CLN6: variants seen among roughly 807,000 people sequenced by gnomAD.
CLN6 encodes CLN6 transmembrane ER protein.
CLN6 carries 22 observed loss-of-function variants against 33.3 expected under a neutral mutation model. That is an observed-to-expected ratio of 0.66 (90% CI 0.47 to 0.94). The LOEUF (loss-of-function observed/expected upper bound fraction) is 0.94, where lower values mean the gene tolerates loss of function less well. Among genes scored for constraint, CLN6 ranks in the 40% least tolerant of loss-of-function variants. CLN6 has a pLI of 0.00. For missense variants in CLN6, 387 were observed against 417.1 expected, an observed-to-expected ratio of 0.93 and a Z score of 0.63; for synonymous variants, 201 against 174.6, an observed-to-expected ratio of 1.15 and a Z score of -1.19.
In CLN6 at chr15:68,209,613, G is replaced by GC. The variant is rs1241585532; in HGVS notation, c.665+23dup. The GC allele has an allele frequency of 1.2e-6, 2 of 1,611,078 alleles. No individual in the cohort carries two copies. Among genetic ancestry groups the GC allele is most frequent in the Non-Finnish European group, 1.7e-6 (2 of 1,179,666 alleles). On this transcript the variant is annotated intron_variant, in intron 6 of 6. Transcript: ENST00000249806. This position sits in a 1 kb window ranked among gnomAD's most constrained non-coding sequence, Gnocchi z 4.9. Reference sequence around the variant, plus strand: ...TGGCTCTCTCAGTGCCCCTGCCTCTGCCCCCATGCTGATGTCCACTCACCA... The same window carrying GC: ...TGGCTCTCTCAGTGCCCCTGCCTCTGCCCCCCATGCTGATGTCCACTCACCA...
rs756812985 is a variant in CLN6 at position 68,209,798 on chromosome 15, C to T, written c.543-39G>A. On this transcript the variant is annotated intron_variant, in intron 5 of 6. Coordinates refer to ENST00000249806, the MANE Select transcript of CLN6 (RefSeq NM_017882.3). This position sits in a 1 kb window ranked among gnomAD's most constrained non-coding sequence, Gnocchi z 4.9. ...GCCAGTGTCTTAGAGGCCTGCTCAG[C>T]GGCCCTCTTCCCCACAACCTCTGCA... is the stretch of plus-strand genomic sequence containing the variant. 23 of 1,609,214 alleles carry T rather than the reference C, an allele frequency of 1.4e-5. No homozygotes were observed. The highest frequency in any genetic ancestry group is 2.2e-5 in the South Asian group (2 of 90,694).
At position 68,242,102 on chromosome 15, in the gene CLN6, G is replaced by A. The variant is rs1892284462; in HGVS notation, c.179+14588C>T. ...CCCAAACAGACAAAGCATGGAACCA[G>A]TGATGGCCCTAAGAAGATGGCAATA... On this transcript the variant is annotated intron_variant, in intron 1 of 6. Coordinates refer to the CLN6 transcript ENST00000538696. This position sits in a 1 kb window ranked among gnomAD's most constrained non-coding sequence, Gnocchi z 5.0. Among the ~76,000 whole-genome samples, 2 of 152,268 alleles carry A rather than the reference G, an allele frequency of 1.3e-5. No homozygotes were observed. The highest frequency in any genetic ancestry group is 4.1e-4 in the South Asian group (2 of 4,830).
rs2093201585 is a variant in CLN6, at chr15:68,210,398, G to A, written c.543-639C>T. 6.6e-6 allele frequency among the ~76,000 whole-genome samples: 1 copy of A among 152,300 alleles called. No homozygotes were observed. The highest frequency in any genetic ancestry group is 1.9e-4 in the East Asian group (1 of 5,172). On this transcript the variant is annotated intron_variant, in intron 5 of 6. Transcript: ENST00000249806. This position sits in a 1 kb window ranked among gnomAD's most constrained non-coding sequence, Gnocchi z 5.6. ...CTTCCCCAACCTTCTGTGGGAAGAG[G>A]CTCTGGCAAAGGCCAGGGAAAGATG...
chr15:68,210,887 T>G lies in CLN6; in HGVS notation c.542+376A>C, dbSNP rs2093203005. Reference sequence around the variant, plus strand: ...CTGGCTGTGCCCCCACCCCCTGCCATCACCATCTGGGGGTTGTTTATCAGG... The same window carrying G: ...CTGGCTGTGCCCCCACCCCCTGCCAGCACCATCTGGGGGTTGTTTATCAGG... On this transcript the variant is annotated intron_variant, in intron 5 of 6. Transcript: ENST00000249806. This position sits in a 1 kb window ranked among gnomAD's most constrained non-coding sequence, Gnocchi z 5.6. Among the ~76,000 whole-genome samples the G allele has an allele frequency of 6.6e-6, 1 of 152,028 alleles. No homozygotes were observed. The highest frequency in any genetic ancestry group is 2.4e-5 in the African/African-American group (1 of 41,398).
chr15:68,228,052 C>T lies in CLN6; in HGVS notation c.83+1450G>A, dbSNP rs1279134715. 6.6e-6 allele frequency among the ~76,000 whole-genome samples: 1 copy of T among 152,190 alleles called. No individual in the cohort carries two copies. The highest frequency in any genetic ancestry group is 1.5e-5 in the Non-Finnish European group (1 of 68,024). ...CAGACAGCCCGGGGACTCAGCCAGT[C>T]AGGCTCCTCAGCCCATCTAAGCCTA... On this transcript the variant is annotated intron_variant, in intron 1 of 6. Coordinates refer to ENST00000249806, the MANE Select transcript of CLN6 (RefSeq NM_017882.3). This position sits in a 1 kb window ranked among gnomAD's most constrained non-coding sequence, Gnocchi z 4.4.
chr15:68,231,135 C>A (rs909932706), upstream of CLN6, among the ~76,000 whole-genome samples: 1 of 152,074 alleles, frequency 6.6e-6, no homozygotes, highest in African/African-American at 2.4e-5. Context: ...GGATTTATTT[C>A]TTTCCCCTTT....
rs1442132553 is a variant in CLN6 at position 68,228,881 on chromosome 15, G to C, written c.83+621C>G. Reference sequence around the variant, plus strand: ...ATGTTTCTGGTCAGTAAAACGGGACGAAGGTAGAATGGAGCTCTGCTCGCC... The same window carrying C: ...ATGTTTCTGGTCAGTAAAACGGGACCAAGGTAGAATGGAGCTCTGCTCGCC... On this transcript the variant is annotated intron_variant, in intron 1 of 6. Transcript: ENST00000249806. The surrounding 1 kb of genome is among the most constrained non-coding windows in gnomAD (Gnocchi z 4.4). 6.6e-6 allele frequency among the ~76,000 whole-genome samples: 1 copy of C among 152,188 alleles called. No homozygotes were observed. Among genetic ancestry groups the C allele is most frequent in the Non-Finnish European group, 1.5e-5 (1 of 68,024 alleles).
intron 1 of CLN6, among the ~76,000 whole-genome samples, chr15:68,250,986 G>A (rs575399309): frequency 1.3e-5 from 2 of 152,132 alleles, no homozygotes; most frequent in Admixed American, 6.5e-5. Context: ...GTATGAGAAA[G>A]GAAATAACAG....
In CLN6 at chr15:68,247,371, T is replaced by C. The variant is rs939896802; in HGVS notation, c.179+9319A>G. 1.3e-5 allele frequency among the ~76,000 whole-genome samples: 2 copies of C among 152,014 alleles called. No homozygotes were observed. Among genetic ancestry groups the C allele is most frequent in the African/African-American group, 4.8e-5 (2 of 41,344 alleles). ...GTAGCATTTCTATCCAATAATGAAC[T>C]AGCAGAGGAAGAAATCAAGAAGGCA... is the stretch of plus-strand genomic sequence containing the variant. On this transcript the variant is annotated intron_variant, in intron 1 of 6. Coordinates refer to the CLN6 transcript ENST00000538696. The surrounding 1 kb of genome is among the most constrained non-coding windows in gnomAD (Gnocchi z 4.2).
intron 1 of CLN6, among the ~76,000 whole-genome samples, chr15:68,224,662 T>G (rs2093247067): frequency 6.6e-6 from 1 of 150,598 alleles, no homozygotes; most frequent in Admixed American, 6.6e-5. Context: ...CCTGCCTGGT[T>G]TTCTTCTCCT....
chr15:68,245,230 A>G (rs962982300), intron 1 of CLN6, among the ~76,000 whole-genome samples: 2 of 149,530 alleles, frequency 1.3e-5, no homozygotes, highest in Admixed American at 1.3e-4. Context: ...TGTAAGCACC[A>G]TGGTAACCAT....
chr15:68,208,158 G>GT lies in CLN6; in HGVS notation c.917dup (p.His306GlnfsTer28). The GT allele has an allele frequency of 6.3e-7, 1 of 1,575,710 alleles. No individual in the cohort carries two copies. Among genetic ancestry groups the GT allele is most frequent in the South Asian group, 1.1e-5 (1 of 90,496 alleles). On this transcript the variant is annotated frameshift_variant, in exon 7 of 7. Coordinates refer to ENST00000249806, the MANE Select transcript of CLN6 (RefSeq NM_017882.3). LOFTEE classifies it high-confidence loss of function. The surrounding 1 kb of genome is among the most constrained non-coding windows in gnomAD (Gnocchi z 5.8). ...CAGGGACTCAGTGCCGACTGCTGAC[G>GT]TGAAGGGTGTAGAAAGCCCAGGGCT...
upstream of CLN6, chr15:68,229,762 A>AGCGGG (rs1286618088): frequency 0.037 from 1,741 of 46,440 alleles, 26 homozygotes; most frequent in Admixed American, 0.22. Flanking sequence ...GGCGGAGCGG[A>AGCGGG]GCGGAGCGGA....
intron 1 of CLN6, among the ~76,000 whole-genome samples, chr15:68,245,564 TC>T (rs1167492380): frequency 8.0e-6 from 1 of 125,538 alleles, no homozygotes; most frequent in Non-Finnish European, 1.7e-5. Flanking sequence ...AAACCCTGTC[TC>T]AAACAAAACA....
At chr15:68,214,430 C>A in intron 2 of CLN6, 42 bp from the exon 3 acceptor site, 3 of 1,504,994 alleles carry the variant, frequency 2.0e-6, no homozygotes, top group Non-Finnish European at 2.8e-6. Flanking sequence ...GGGCACAGCC[C>A]CACGCGGCCC....
intron 1 of CLN6, 21 bp downstream of exon 1, chr15:68,229,481 C>A: frequency 6.9e-7 from 1 of 1,458,028 alleles, no homozygotes; most frequent in South Asian, 1.3e-5. Flanking sequence ...AGCCCGCCCT[C>A]TCACCCCGGC....
In CLN6 at chr15:68,208,271, T is replaced by G. The variant is rs752910503; in HGVS notation, c.805A>C (p.Thr269Pro). 1 of 1,613,624 alleles carries G rather than the reference T, an allele frequency of 6.2e-7. No homozygotes were observed. The highest frequency in any genetic ancestry group is 8.5e-7 in the Non-Finnish European group (1 of 1,179,934). The change falls in exon 7 of 7, where the codon ACC becomes CCC. Residue 269 changes from threonine (T) to proline (P), a missense_variant. Coordinates refer to ENST00000249806, the MANE Select transcript of CLN6 (RefSeq NM_017882.3). The surrounding 1 kb of genome is among the most constrained non-coding windows in gnomAD (Gnocchi z 5.8). Reference protein sequence around the residue: ...GLFLFSSFALTLLLVALWVAW... With the variant: ...GLFLFSSFALPLLLVALWVAW... ...ACCCAGAGCGCCACAAGCAAGAGGG[T>G]CAGTGCGAAGGAGGAGAAGAGGAAG...
chr15:68,224,027 T>G (rs2093245107), intron 1 of CLN6, among the ~76,000 whole-genome samples: 1 of 150,990 alleles, frequency 6.6e-6, no homozygotes, highest in African/African-American at 2.4e-5. Flanking sequence ...GCCTGGGCAG[T>G]AAGAGTGAAA....
chr15:68,236,914 T>C lies in CLN6; in HGVS notation c.180-18264A>G, dbSNP rs1201483115. The stretch of plus-strand genomic sequence containing the variant: ...GGCTCACGCCTGTAATCCCAGCACT[T>C]TGGGAGGCCGAGGCGGGTGGATCAT... On this transcript the variant is annotated intron_variant, in intron 1 of 6. Coordinates refer to the CLN6 transcript ENST00000538696. This position sits in a 1 kb window ranked among gnomAD's most constrained non-coding sequence, Gnocchi z 4.5. 2.6e-5 allele frequency among the ~76,000 whole-genome samples: 4 copies of C among 151,402 alleles called. No homozygotes were observed. In the East Asian group the frequency reaches 7.8e-4, roughly 29 times the overall value.
Sources: allele counts gnomAD v4.1 joint callset (sites outside exome capture counted in the v4.1 genomes callset), GRCh38; gene constraint gnomAD v4.1.1; non-coding constraint Gnocchi (gnomAD v3.1); transcripts MANE v1.5; gene names NCBI Gene and HGNC (gene_info 2026-07-23, HGNC 2026-07-21).